Variants in FSTL5 observed in about 807,000 individuals in gnomAD.
FSTL5 encodes follistatin-related protein 5.
A neutral mutation model predicts 89.1 loss-of-function variants in FSTL5; 62 were observed. The observed-to-expected ratio is 0.70, with a 90% CI of 0.57 to 0.86. The LOEUF (loss-of-function observed/expected upper bound fraction) is 0.86, where lower values mean the gene tolerates loss of function less well. Among genes scored for constraint, FSTL5 ranks in the 40% least tolerant of loss-of-function variants. FSTL5 has a pLI of 0.00. For missense variants in FSTL5, 1,057 were observed against 1,001.6 expected (o/e 1.06, Z -0.75); for synonymous variants, 383 against 346.2 (o/e 1.11, Z -1.18).
chr4:161,779,749 A>C (rs1741552096), intron 4 of FSTL5, among the ~76,000 whole-genome samples: 1 of 121,656 alleles, frequency 8.2e-6, no homozygotes, highest in Non-Finnish European at 1.7e-5. Context: ...TCCAAGGATT[A>C]TTTGTAAAGT....
intron 2 of FSTL5, among the ~76,000 whole-genome samples, chr4:162,039,217 T>G (rs1553993850): frequency 6.6e-6 from 1 of 151,588 alleles, no homozygotes; most frequent in Non-Finnish European, 1.5e-5. Flanking sequence ...CTTGCTTATA[T>G]AAAAAAAGAA....
chr4:161,632,671 T>A lies in FSTL5; in HGVS notation c.894+23657A>T, dbSNP rs117659065. On this transcript the variant is annotated intron_variant, in intron 7 of 15. Transcript: ENST00000306100. ...TAATAGTCTGAGTTAAAAGAAAGAG[T>A]TTTTTATTGATTTCTGTGTTTTTTA... is the stretch of plus-strand genomic sequence containing the variant. Among the ~76,000 whole-genome samples the A allele has an allele frequency of 4.3e-4, 64 of 150,090 alleles. 1 individual carries two copies. In the East Asian group the frequency reaches 0.011, roughly 26 times the overall value.
intron 2 of FSTL5, among the ~76,000 whole-genome samples, chr4:162,082,013 A>G (rs967693071): frequency 6.6e-6 from 1 of 151,814 alleles, no homozygotes; most frequent in Admixed American, 6.6e-5. Flanking sequence ...TTTAAAAATT[A>G]AGGTATTTCA....
chr4:161,452,101 G>C (rs1435837915), intron 15 of FSTL5, among the ~76,000 whole-genome samples: 1 of 152,202 alleles, frequency 6.6e-6, no homozygotes, highest in South Asian at 2.1e-4. Flanking sequence ...TTAGAATGTA[G>C]TGTCAAATTC....
At chr4:161,918,392 T>C (rs1733896616) in intron 4 of FSTL5, among the ~76,000 whole-genome samples, 1 of 152,134 alleles carries the variant, frequency 6.6e-6, no homozygotes, top group African/African-American at 2.4e-5. Flanking sequence ...ACCCAGACAG[T>C]ATAAATGAAA....
intron 4 of FSTL5, among the ~76,000 whole-genome samples, chr4:161,833,933 G>A (rs1579126469): frequency 6.6e-6 from 1 of 152,144 alleles, no homozygotes; most frequent in East Asian, 1.9e-4. Context: ...TATGATGTTA[G>A]CTGGTTATTT....
intron 2 of FSTL5, among the ~76,000 whole-genome samples, chr4:162,107,699 A>T (rs1731277212): frequency 6.6e-6 from 1 of 152,158 alleles, no homozygotes; most frequent in South Asian, 2.1e-4. Context: ...AAGAAAAACA[A>T]ACTGAAAGAA....
intron 8 of FSTL5, among the ~76,000 whole-genome samples, chr4:161,554,022 A>G (rs1578920547): frequency 6.6e-6 from 1 of 151,602 alleles, no homozygotes; most frequent in African/African-American, 2.4e-5. Context: ...CTAAGAATAC[A>G]TAAGACTAGT....
chr4:162,103,308 AAG>A (rs1334753212), intron 2 of FSTL5, among the ~76,000 whole-genome samples: 3 of 152,224 alleles, frequency 2.0e-5, no homozygotes, highest in Non-Finnish European at 4.4e-5. Context: ...AAACTCTTAA[AAG>A]GACAAAACTA....
chr4:161,544,988 A>C lies in FSTL5; in HGVS notation c.1016-2295T>G, dbSNP rs187737373. Among the ~76,000 whole-genome samples the C allele has an allele frequency of 7.2e-5, 11 of 152,126 alleles. No homozygotes were observed. In the East Asian group the frequency reaches 2.1e-3, roughly 29 times the overall value. The stretch of plus-strand genomic sequence containing the variant: ...TATTAAAATGAGATGTCGTAAATAC[A>C]ACATTAGGCATAATTATAGAAAGAC... On this transcript the variant is annotated intron_variant, in intron 8 of 15. Coordinates refer to ENST00000306100, the MANE Select transcript of FSTL5 (RefSeq NM_020116.5).
At position 161,437,198 on chromosome 4, in the gene FSTL5, T is replaced by C. The variant is rs538229050; in HGVS notation, c.1841+17806A>G. Among the ~76,000 whole-genome samples the C allele has an allele frequency of 2.0e-5, 3 of 151,944 alleles. No homozygotes were observed. The South Asian group carries it at 6.2e-4, about 32-fold the overall frequency. On this transcript the variant is annotated intron_variant, in intron 15 of 15. Transcript: ENST00000306100. ...GCATGGTAGAGGCACTGTGAGCAGT[T>C]TGGTGGAAGGAGAGATCACTGCGGG...
intron 4 of FSTL5, among the ~76,000 whole-genome samples, chr4:161,814,167 T>C (rs912955806): frequency 1.3e-5 from 2 of 151,876 alleles, no homozygotes; most frequent in African/African-American, 4.8e-5. Context: ...GGGAAGAAAT[T>C]ACACAGAGAA....
intron 8 of FSTL5, among the ~76,000 whole-genome samples, chr4:161,567,931 T>C (rs1041976990): frequency 7.2e-5 from 11 of 152,028 alleles, no homozygotes; most frequent in African/African-American, 2.4e-4. Context: ...GAAAGAATCA[T>C]TGGCTTGGTG....
chr4:161,415,141 CA>C (rs2110948078), intron 15 of FSTL5, among the ~76,000 whole-genome samples: 1 of 152,204 alleles, frequency 6.6e-6, no homozygotes, highest in African/African-American at 2.4e-5. Flanking sequence ...TTATTCTTTT[CA>C]AAACTTTATA....
intron 3 of FSTL5, among the ~76,000 whole-genome samples, chr4:161,942,868 G>A (rs1316430623): frequency 6.6e-6 from 1 of 152,026 alleles, no homozygotes; most frequent in African/African-American, 2.4e-5. Flanking sequence ...ACTTAAATTG[G>A]AAAGGAAGAA....
At chr4:161,808,347 A>G (rs1730033333) in intron 4 of FSTL5, among the ~76,000 whole-genome samples, 1 of 152,154 alleles carries the variant, frequency 6.6e-6, no homozygotes, top group Non-Finnish European at 1.5e-5. Flanking sequence ...AAAAACATGA[A>G]AGCAAGAACT....
intron 4 of FSTL5, among the ~76,000 whole-genome samples, chr4:161,907,050 C>T (rs1733557067): frequency 6.6e-6 from 1 of 151,998 alleles, no homozygotes. Flanking sequence ...GTAAATGTTT[C>T]CACTTGTTAA....
chr4:161,592,795 G>A lies in FSTL5; in HGVS notation c.895-5220C>T, dbSNP rs1157835058. On this transcript the variant is annotated intron_variant, in intron 7 of 15. Transcript: ENST00000306100. ...ATCCTTTGGGTATAACCCAGCAATG[G>A]GATTGCTGGGTCAGATGGTATTTCT... 3.3e-5 allele frequency among the ~76,000 whole-genome samples: 5 copies of A among 152,162 alleles called. No homozygotes were observed. In the East Asian group the frequency reaches 9.7e-4, roughly 30 times the overall value.
intron 1 of FSTL5, among the ~76,000 whole-genome samples, chr4:162,135,515 C>T (rs1732489656): frequency 6.6e-6 from 1 of 152,036 alleles, no homozygotes; most frequent in African/African-American, 2.4e-5. Context: ...AAATGCCTTA[C>T]CATTCAATCA....
Sources: allele counts gnomAD v4.1 joint callset (sites outside exome capture counted in the v4.1 genomes callset), GRCh38; gene constraint gnomAD v4.1.1; transcripts MANE v1.5; gene names NCBI Gene and HGNC (gene_info 2026-07-23, HGNC 2026-07-21).